Variants in HECTD2 observed in about 807,000 individuals in gnomAD.
HECTD2 encodes probable E3 ubiquitin-protein ligase HECTD2.
In HECTD2, 35 loss-of-function variants were observed where a neutral mutation model predicts 103.2. The ratio of observed to expected loss-of-function variants is 0.34; its 90% confidence interval spans 0.26 to 0.45. The LOEUF is 0.45. Ranked by LOEUF, HECTD2 falls within the 20% of genes least tolerant of loss-of-function variation. HECTD2 has a pLI of 1.00. For missense variants in HECTD2, 596 were observed against 937.4 expected (o/e 0.64, Z 4.76); for synonymous variants, 281 against 329.9 (o/e 0.85, Z 1.61).
intron 5 of HECTD2, among the ~76,000 whole-genome samples, chr10:91,472,317 A>G (rs1264716331): frequency 6.6e-6 from 1 of 152,228 alleles, no homozygotes; most frequent in Admixed American, 6.5e-5. Flanking sequence ...AAGACAAATT[A>G]AAGACTTTAA....
chr10:91,487,669 A>G lies in HECTD2; in HGVS notation c.1095-13A>G, dbSNP rs1395742430. The G allele has an allele frequency of 1.3e-6, 2 of 1,579,138 alleles. No individual in the cohort carries two copies. Among genetic ancestry groups the G allele is most frequent in the South Asian group, 2.2e-5 (2 of 90,394 alleles). On this transcript the variant is annotated splice_polypyrimidine_tract_variant and intron_variant, in intron 10 of 20. Transcript: ENST00000298068. The surrounding 1 kb of genome is among the most constrained non-coding windows in gnomAD (Gnocchi z 4.1). ...CACCATTTTGCTTTTTCTTTTTTTC[A>G]CTTGTTGAGCAGGTTTTCCTTCTGT...
chr10:91,415,715 C>T (rs1319021114), intron 1 of HECTD2, among the ~76,000 whole-genome samples: 1 of 152,134 alleles, frequency 6.6e-6, no homozygotes, highest in African/African-American at 2.4e-5. Flanking sequence ...AGAAGCTGCA[C>T]CTATGGCAGT....
intron 10 of HECTD2, chr10:91,485,560 A>C (rs544182069): frequency 8.5e-4 from 273 of 322,254 alleles, no homozygotes; most frequent in Non-Finnish European, 1.3e-3. Flanking sequence ...CTTAATATGC[A>C]GTCTCTTATC....
intron 2 of HECTD2, 119 bp downstream of exon 2, chr10:91,425,529 T>C (rs1322671576): frequency 1.6e-6 from 1 of 631,314 alleles, no homozygotes; most frequent in Non-Finnish European, 2.3e-6. Flanking sequence ...AAAGAAGCTG[T>C]ATACGTATTT....
At chr10:91,417,193 G>T (rs1015854041) in intron 1 of HECTD2, among the ~76,000 whole-genome samples, 1 of 152,034 alleles carries the variant, frequency 6.6e-6, no homozygotes, top group East Asian at 1.9e-4. Flanking sequence ...CCCTTCTTGA[G>T]TGGTAAAATG....
At chr10:91,433,211 A>AT (rs1182000976) in intron 2 of HECTD2, among the ~76,000 whole-genome samples, 2 of 151,922 alleles carry the variant, frequency 1.3e-5, no homozygotes, top group Admixed American at 6.6e-5. Flanking sequence ...GGGAAGAGTT[A>AT]TTTTTTCTTT....
chr10:91,495,616 C>T (rs75191395), intron 14 of HECTD2, among the ~76,000 whole-genome samples: 6,785 of 151,994 alleles, frequency 0.045, 240 homozygotes, highest in Non-Finnish European at 0.073. Context: ...TAATCCTGAG[C>T]AAAATTTGTA....
intron 1 of HECTD2, among the ~76,000 whole-genome samples, chr10:91,424,424 G>A (rs1482710503): frequency 1.3e-5 from 2 of 148,602 alleles, no homozygotes; most frequent in Non-Finnish European, 2.9e-5. Context: ...AAGTGAAGAC[G>A]TTACCTTTAG....
At chr10:91,453,510 G>A (rs968844372) in intron 2 of HECTD2, among the ~76,000 whole-genome samples, 4 of 152,070 alleles carry the variant, frequency 2.6e-5, no homozygotes, top group African/African-American at 7.2e-5. Context: ...GTAAAATGAC[G>A]ATATGAGTAG....
intron 5 of HECTD2, among the ~76,000 whole-genome samples, chr10:91,472,491 A>G (rs1467291885): frequency 6.6e-6 from 1 of 152,234 alleles, no homozygotes; most frequent in African/African-American, 2.4e-5. Context: ...CTGCATAGCA[A>G]AAGAAACTAT....
intron 1 of HECTD2, among the ~76,000 whole-genome samples, chr10:91,416,969 CAAAAGGTG>C (rs1843152271): frequency 2.0e-5 from 3 of 152,106 alleles, no homozygotes; most frequent in African/African-American, 7.2e-5. Flanking sequence ...AAAGAGCCTT[CAAAAGGTG>C]TACAGATACT....
intron 6 of HECTD2, 60 bp from the exon 7 acceptor site, chr10:91,481,034 C>A (rs1450846545): frequency 1.9e-6 from 2 of 1,035,064 alleles, no homozygotes; most frequent in African/African-American, 1.7e-5. Flanking sequence ...TGGTCTTTTT[C>A]GTTAGATGCT....
chr10:91,419,818 CTGTT>C (rs1175149398), intron 1 of HECTD2, among the ~76,000 whole-genome samples: 1 of 152,148 alleles, frequency 6.6e-6, no homozygotes, highest in African/African-American at 2.4e-5. Context: ...CCCCAGCCCA[CTGTT>C]TGTAGGCTGG....
chr10:91,468,272 G>T (rs756418242), intron 5 of HECTD2, among the ~76,000 whole-genome samples: 50 of 152,278 alleles, frequency 3.3e-4, no homozygotes, highest in Non-Finnish European at 6.2e-4. Flanking sequence ...CAGAGTTAGA[G>T]CATGCAGCCC....
At chr10:91,422,261 C>CTAAA in intron 1 of HECTD2, among the ~76,000 whole-genome samples, 1 of 152,120 alleles carries the variant, frequency 6.6e-6, no homozygotes, top group Non-Finnish European at 1.5e-5. Context: ...TATATTCCAA[C>CTAAA]TACACTGCTC....
chr10:91,474,421 TA>T (rs1202292880), intron 5 of HECTD2, among the ~76,000 whole-genome samples: 21 of 152,292 alleles, frequency 1.4e-4, no homozygotes, highest in African/African-American at 5.1e-4. Flanking sequence ...ATATAGAATA[TA>T]TACCAGACAC....
intron 2 of HECTD2, among the ~76,000 whole-genome samples, chr10:91,429,973 G>T (rs1310367385): frequency 5.9e-5 from 9 of 151,958 alleles, no homozygotes; most frequent in African/African-American, 2.2e-4. Flanking sequence ...GTGATGTTAG[G>T]GTGTCAATTT....
intron 14 of HECTD2, among the ~76,000 whole-genome samples, chr10:91,495,335 G>A (rs138583425): frequency 1.3e-5 from 2 of 152,022 alleles, no homozygotes; most frequent in African/African-American, 4.8e-5. Context: ...ACAGTATTGT[G>A]TTTCTAATAC....
chr10:91,428,893 G>A (rs538094763), intron 2 of HECTD2, among the ~76,000 whole-genome samples: 2 of 151,952 alleles, frequency 1.3e-5, no homozygotes, highest in South Asian at 2.1e-4. Context: ...TAATTGCCCT[G>A]GCCAGAACTT....
Sources: allele counts gnomAD v4.1 joint callset (sites outside exome capture counted in the v4.1 genomes callset), GRCh38; gene constraint gnomAD v4.1.1; non-coding constraint Gnocchi (gnomAD v3.1); transcripts MANE v1.5; gene names NCBI Gene and HGNC (gene_info 2026-07-23, HGNC 2026-07-21).